DGKK: variants seen among roughly 807,000 people sequenced by gnomAD.
DGKK encodes the protein 142 kDa diacylglycerol kinase.
DGKK carries 35 observed loss-of-function variants against 92.2 expected under a neutral mutation model. That is an observed-to-expected ratio of 0.38 (90% CI 0.29 to 0.50). The LOEUF is 0.50. Ranked by LOEUF, DGKK falls within the 20% of genes least tolerant of loss-of-function variation. DGKK has a pLI of 0.92. For synonymous variants in DGKK, 368 were observed against 360.6 expected (o/e 1.02, Z -0.23); for missense variants, 910 against 992.2 (o/e 0.92, Z 1.11).
In DGKK at chrX:50,376,081, T is replaced by C. The variant is rs1557223802; in HGVS notation, c.3357A>G (p.Ile1119Met). Residue 1119 changes from isoleucine to methionine, a missense_variant, in exon 24 of 28, where the codon ATA becomes ATG. Coordinates refer to ENST00000611977, the MANE Select transcript of DGKK (RefSeq NM_001013742.4). Reference sequence around the variant, plus strand: ...CATTGCCACTGTCTTGGCCGTAAAATATATCATTCAGGATGTTAGCGCTGG... The same window carrying C: ...CATTGCCACTGTCTTGGCCGTAAAACATATCATTCAGGATGTTAGCGCTGG... ...VNASANILND[I>M]FYGQDSGNEM... is the part of the protein sequence containing the mutation. The C allele has an allele frequency of 8.3e-7, 1 of 1,211,087 alleles. No individual in the cohort carries two copies. The highest frequency in any genetic ancestry group is 2.2e-5 in the Admixed American group (1 of 45,974).
chrX:50,390,206 C>T, intron 12 of DGKK, 122 bp downstream of exon 12: 1 of 594,831 alleles, frequency 1.7e-6, no homozygotes, highest in Non-Finnish European at 2.7e-6. Context: ...ACTGACATGT[C>T]ACCAACTCTC....
intron 8 of DGKK, 33 bp from the exon 9 acceptor site, chrX:50,393,368 A>C: frequency 8.9e-7 from 1 of 1,128,160 alleles, no homozygotes; most frequent in Non-Finnish European, 1.2e-6. Flanking sequence ...AAGAAAAAAA[A>C]GAACGGACCC....
chrX:50,394,642 G>C (rs934157901), intron 8 of DGKK, among the ~76,000 whole-genome samples: 2 of 112,223 alleles, frequency 1.8e-5, no homozygotes. Flanking sequence ...TATGTATGGA[G>C]GGCATTCTCT....
At chrX:50,371,431 A>C (rs1230259132) in intron 26 of DGKK, among the ~76,000 whole-genome samples, 1 of 111,932 alleles carries the variant, frequency 8.9e-6, no homozygotes, top group African/African-American at 3.3e-5. Flanking sequence ...ACACACAAAA[A>C]AACCTATCTT....
chrX:50,394,810 A>T (rs1924799101), intron 8 of DGKK, among the ~76,000 whole-genome samples: 1 of 111,456 alleles, frequency 9.0e-6, no homozygotes, highest in Non-Finnish European at 1.9e-5. Flanking sequence ...GGGGGTAGAT[A>T]TTGGAAGGGG....
chrX:50,435,437 A>G (rs1173432712), intron 1 of DGKK, among the ~76,000 whole-genome samples: 2 of 112,454 alleles, frequency 1.8e-5, no homozygotes, highest in Admixed American at 9.4e-5. Flanking sequence ...ACCCATGCAG[A>G]CAGACATCTG....
intron 7 of DGKK, among the ~76,000 whole-genome samples, chrX:50,402,339 G>A (rs1457740588): frequency 8.9e-6 from 1 of 112,017 alleles, no homozygotes; most frequent in Non-Finnish European, 1.9e-5. Flanking sequence ...CCTCACACGA[G>A]CCCAGGAGTT....
At chrX:50,409,613 C>T (rs1557227678) in intron 4 of DGKK, among the ~76,000 whole-genome samples, 2 of 112,008 alleles carry the variant, frequency 1.8e-5, no homozygotes, top group Non-Finnish European at 3.8e-5. Flanking sequence ...TTCTTTAAAG[C>T]TTTCAGTGTG....
chrX:50,372,501 G>A (rs1924164652), intron 25 of DGKK, among the ~76,000 whole-genome samples: 1 of 111,656 alleles, frequency 9.0e-6, no homozygotes, highest in African/African-American at 3.3e-5. Flanking sequence ...CTAGAGAGAG[G>A]CTGGCTCAAC....
chrX:50,389,606 A>G (rs1924633004), intron 12 of DGKK, among the ~76,000 whole-genome samples: 1 of 111,709 alleles, frequency 9.0e-6, no homozygotes. Context: ...ATCTTCTGTA[A>G]TTCTTATTGC....
At chrX:50,421,040 G>C (rs1250085958) in intron 3 of DGKK, among the ~76,000 whole-genome samples, 1 of 112,052 alleles carries the variant, frequency 8.9e-6, no homozygotes, top group African/African-American at 3.2e-5. Context: ...AAAATTGTAT[G>C]TGGTTCATTA....
chrX:50,459,965 T>C (rs1926703731), intron 1 of DGKK, among the ~76,000 whole-genome samples: 1 of 112,503 alleles, frequency 8.9e-6, no homozygotes, highest in Non-Finnish European at 1.9e-5. Context: ...TCCTCTATAG[T>C]GCACAGTGAT....
chrX:50,445,121 CTTTT>C (rs57163220), intron 1 of DGKK, among the ~76,000 whole-genome samples: 2 of 67,466 alleles, frequency 3.0e-5, no homozygotes, highest in East Asian at 9.0e-4. Context: ...CCTTTGCCCA[CTTTT>C]TTTTTTTTTT....
intron 1 of DGKK, among the ~76,000 whole-genome samples, chrX:50,457,977 G>A (rs1926652685): frequency 9.1e-6 from 1 of 110,165 alleles, no homozygotes; most frequent in Admixed American, 9.6e-5. Flanking sequence ...ATGTTTCCGA[G>A]AAAGTATGAT....
intron 1 of DGKK, among the ~76,000 whole-genome samples, chrX:50,435,196 C>T (rs1324552213): frequency 1.8e-5 from 2 of 112,541 alleles, no homozygotes; most frequent in Non-Finnish European, 3.8e-5. Flanking sequence ...TGTTATGCAG[C>T]GCATGCCTGT....
In DGKK at chrX:50,388,380, TC is replaced by T. The variant is rs1924602089; in HGVS notation, c.2018+146del. ...AATGTCATCTTTCTTTCCTAAACTTTCCATTCAGGGGGTTTGAGTTGGGAGA... is the reference window on the plus strand; with the variant it reads ...AATGTCATCTTTCTTTCCTAAACTTTCATTCAGGGGGTTTGAGTTGGGAGA... On this transcript the variant is annotated intron_variant, in intron 13 of 27. Coordinates refer to ENST00000611977, the MANE Select transcript of DGKK (RefSeq NM_001013742.4). The T allele has an allele frequency of 2.8e-5, 13 of 468,172 alleles. No homozygotes were observed. The South Asian group carries it at 4.9e-4, about 18-fold the overall frequency. The allele number at this position is 468,172 out of a possible 1,213,427, so 38.6% of individuals were successfully genotyped here.
intron 4 of DGKK, among the ~76,000 whole-genome samples, 190 bp from the exon 5 acceptor site, chrX:50,404,374 C>T (rs1238108036): frequency 1.8e-5 from 2 of 109,829 alleles, no homozygotes; most frequent in Non-Finnish European, 3.8e-5. Flanking sequence ...GTTTGTTTTG[C>T]CAGTCGTTTC....
Position 50,386,446 on chromosome X carries a change from G to A in DGKK, c.2259C>T (p.Asp753=). Residue 753 remains aspartate, a synonymous_variant, in exon 15 of 28, where the codon GAC becomes GAT. Coordinates refer to ENST00000611977, the MANE Select transcript of DGKK (RefSeq NM_001013742.4). The stretch of plus-strand genomic sequence containing the variant: ...GCTCCAACTTGCACTTGGCTATGTG[G>A]TCTATTTGAGGAATGAAGGGCTTCC... ...ADRKPFIPQI[D]HIAKCKLELA... 1.7e-6 allele frequency: 2 copies of A among 1,210,983 alleles called. No homozygotes were observed. Among genetic ancestry groups the A allele is most frequent in the South Asian group, 1.8e-5 (1 of 56,952 alleles).
intron 4 of DGKK, among the ~76,000 whole-genome samples, chrX:50,406,073 T>G (rs1925146602): frequency 1.8e-5 from 2 of 112,278 alleles, no homozygotes; most frequent in South Asian, 7.5e-4. Context: ...TATAGTCTAC[T>G]GGAGGAAACA....
Sources: gnomAD v4.1 joint callset for allele counts (sites outside exome capture counted in the v4.1 genomes callset) on GRCh38, gnomAD v4.1.1 for gene constraint, MANE v1.5 for transcripts, NCBI Gene and HGNC (gene_info 2026-07-23, HGNC 2026-07-21) for gene names.